The following NRG1 variants were observed in gnomAD, a reference collection of about 807,000 sequenced individuals.
NRG1 encodes neuregulin 1.
NRG1 carries 18 observed loss-of-function variants against 63.8 expected under a neutral mutation model. The observed-to-expected ratio is 0.28, with a 90% CI of 0.19 to 0.42. The LOEUF (loss-of-function observed/expected upper bound fraction) is 0.42, where lower values mean the gene tolerates loss of function less well. NRG1 is among the 10% of genes least tolerant of loss of function. The probability of loss-of-function intolerance (pLI) is 1.00; values close to 1 mark genes in which losing one functional copy is unlikely to be tolerated. For synonymous variants in NRG1, 302 were observed against 301.3 expected (o/e 1.00, Z -0.02); for missense variants, 762 against 814.7 (o/e 0.94, Z 0.79).
chr8:32,507,925 T>C (rs1588034061), intron 1 of NRG1, among the ~76,000 whole-genome samples: 1 of 152,190 alleles, frequency 6.6e-6, no homozygotes, highest in African/African-American at 2.4e-5. Flanking sequence ...CTCAAACTCC[T>C]GACCTCAAGT....
chr8:32,157,085 TGTGTG>T, intron 1 of NRG1, among the ~76,000 whole-genome samples: 1 of 150,464 alleles, frequency 6.6e-6, no homozygotes, highest in Admixed American at 6.6e-5. Flanking sequence ...TGTGTGTGTG[TGTGTG>T]TAAGGAGAGG....
chr8:32,048,377 A>T (rs1174206720), intron 1 of NRG1, among the ~76,000 whole-genome samples: 2 of 148,468 alleles, frequency 1.3e-5, no homozygotes, highest in African/African-American at 4.9e-5. Context: ...ATACATATAT[A>T]TGTATGAATA....
At chr8:31,711,529 C>T (rs1482518898) in intron 1 of NRG1, among the ~76,000 whole-genome samples, 36 of 152,150 alleles carry the variant, frequency 2.4e-4, no homozygotes, top group Admixed American at 2.3e-3. Flanking sequence ...GTTGTCTACA[C>T]TGGGTTAGTT....
intron 1 of NRG1, among the ~76,000 whole-genome samples, chr8:32,380,580 C>G (rs1331370663): frequency 6.6e-6 from 1 of 152,088 alleles, no homozygotes; most frequent in Middle Eastern, 3.2e-3. Context: ...TTTCTCTCCT[C>G]CAATCCTGGT....
chr8:32,447,667 G>A (rs556149937), intron 1 of NRG1, among the ~76,000 whole-genome samples: 1 of 152,254 alleles, frequency 6.6e-6, no homozygotes, highest in South Asian at 2.1e-4. Context: ...CCAAGAGTTT[G>A]AGACCAGCAT....
At chr8:32,619,688 C>T (rs1411225674) in intron 5 of NRG1, among the ~76,000 whole-genome samples, 2 of 152,162 alleles carry the variant, frequency 1.3e-5, no homozygotes, top group African/African-American at 2.4e-5. Flanking sequence ...AAAACCAAGG[C>T]TGCTTTTGTT....
chr8:32,356,474 AC>A lies in NRG1; in HGVS notation c.38-239344del, dbSNP rs11426642. On this transcript the variant is annotated intron_variant, in intron 1 of 10. Transcript: ENST00000519301. Reference sequence around the variant, plus strand: ...AATCACACAGAGTTTCCTTGTTGGGACCCCCCCCCCACCCGCCGGGCCCCAC... The same window carrying A: ...AATCACACAGAGTTTCCTTGTTGGGACCCCCCCCCACCCGCCGGGCCCCAC... Among the ~76,000 whole-genome samples, 251 of 69,234 alleles carry A rather than the reference AC, an allele frequency of 3.6e-3. 6 individuals carry two copies. The East Asian group carries it at 0.091, about 25-fold the overall frequency. 45.4% of individuals were successfully genotyped at this position (69,234 alleles called of 152,430 possible).
intron 1 of NRG1, among the ~76,000 whole-genome samples, chr8:31,906,354 C>T (rs1832519440): frequency 6.6e-6 from 1 of 152,102 alleles, no homozygotes; most frequent in Admixed American, 6.6e-5. Flanking sequence ...AATGAAAATC[C>T]TTCAGTTTTA....
At chr8:32,392,696 A>G (rs1028784220) in intron 1 of NRG1, among the ~76,000 whole-genome samples, 6 of 152,222 alleles carry the variant, frequency 3.9e-5, no homozygotes, top group Non-Finnish European at 8.8e-5. Flanking sequence ...CAGATTTGCT[A>G]ATTTCCACGT....
intron 5 of NRG1, among the ~76,000 whole-genome samples, chr8:32,680,142 A>T (rs1808212099): frequency 6.6e-6 from 1 of 152,172 alleles, no homozygotes; most frequent in Admixed American, 6.5e-5. Flanking sequence ...GTAAAAGATG[A>T]TTGTTAATGT....
chr8:31,704,696 G>C (rs1051454722), intron 1 of NRG1, among the ~76,000 whole-genome samples: 12 of 151,852 alleles, frequency 7.9e-5, no homozygotes, highest in African/African-American at 2.7e-4. Flanking sequence ...GCCAGGCGTG[G>C]TGGCGGGCGC....
intron 1 of NRG1, among the ~76,000 whole-genome samples, chr8:32,538,526 A>C (rs1390792791): frequency 2.0e-5 from 3 of 152,288 alleles, no homozygotes; most frequent in African/African-American, 7.2e-5. Flanking sequence ...GTAATGACAA[A>C]AATCAGCTAG....
At chr8:31,776,670 C>T (rs1295303818) in intron 1 of NRG1, among the ~76,000 whole-genome samples, 1 of 152,074 alleles carries the variant, frequency 6.6e-6, no homozygotes, top group Admixed American at 6.5e-5. Context: ...GGTATATCTC[C>T]TAATGCTATT....
intron 1 of NRG1, among the ~76,000 whole-genome samples, chr8:32,480,834 T>C (rs1415927576): frequency 6.6e-6 from 1 of 152,118 alleles, no homozygotes; most frequent in Non-Finnish European, 1.5e-5. Flanking sequence ...GAGCAAGAAC[T>C]CACTCATTAT....
chr8:32,150,139 A>T (rs1337780666), intron 1 of NRG1, among the ~76,000 whole-genome samples: 2 of 152,174 alleles, frequency 1.3e-5, no homozygotes, highest in Non-Finnish European at 2.9e-5. Context: ...AGCAACAAAC[A>T]CTACGTAGCA....
intron 1 of NRG1, among the ~76,000 whole-genome samples, chr8:32,150,431 G>C (rs548500295): frequency 6.6e-6 from 1 of 152,068 alleles, no homozygotes; most frequent in African/African-American, 2.4e-5. Flanking sequence ...AGTCATGAGG[G>C]GTTCTCCATA....
chr8:32,365,590 T>A (rs1194396236), intron 1 of NRG1, among the ~76,000 whole-genome samples: 2 of 152,206 alleles, frequency 1.3e-5, no homozygotes, highest in African/African-American at 4.8e-5. Flanking sequence ...CACTAAATCA[T>A]AAATTAGTAC....
chr8:32,187,048 A>T (rs1842040848), intron 1 of NRG1, among the ~76,000 whole-genome samples: 1 of 152,170 alleles, frequency 6.6e-6, no homozygotes, highest in Non-Finnish European at 1.5e-5. Context: ...GAATGACTGA[A>T]TGTTCAAATT....
At chr8:32,225,588 C>A (rs1332155020) in intron 1 of NRG1, among the ~76,000 whole-genome samples, 3 of 152,064 alleles carry the variant, frequency 2.0e-5, no homozygotes, top group Non-Finnish European at 4.4e-5. Flanking sequence ...GGGTGCCAGG[C>A]CCTGTGCTAT....
Sources: allele counts gnomAD v4.1 joint callset (sites outside exome capture counted in the v4.1 genomes callset), GRCh38; gene constraint gnomAD v4.1.1; transcripts MANE v1.5; gene names NCBI Gene and HGNC (gene_info 2026-07-23, HGNC 2026-07-21).